The following LRP5 variants were observed in gnomAD, a reference collection of about 807,000 sequenced individuals.
LRP5 encodes the protein LDL receptor related protein 5.
In LRP5, 62 loss-of-function variants were observed where a neutral mutation model predicts 154.1. The observed-to-expected ratio is 0.40, with a 90% CI of 0.33 to 0.50. The LOEUF is 0.50. Among genes scored for constraint, LRP5 ranks in the 20% least tolerant of loss-of-function variants. LRP5 has a pLI of 0.55. For missense variants in LRP5, 1,915 were observed against 2,336.7 expected (o/e 0.82, Z 3.72); for synonymous variants, 966 against 1,011.5 (o/e 0.96, Z 0.85).
chr11:68,362,691 CAAAAAAA>C (rs773798166), intron 3 of LRP5, among the ~76,000 whole-genome samples: 1 of 84,256 alleles, frequency 1.2e-5, no homozygotes, highest in African/African-American at 4.4e-5. Context: ...ACCCCATCTC[CAAAAAAA>C]AAAAAAAAAG....
In LRP5 at chr11:68,430,997, G is replaced by A. The variant is rs867762013; in HGVS notation, c.3763+1297G>A. Among the ~76,000 whole-genome samples, 4 of 152,310 alleles carry A rather than the reference G, an allele frequency of 2.6e-5. 1 individual carries two copies. In the South Asian group the frequency reaches 8.3e-4, roughly 32 times the overall value. On this transcript the variant is annotated intron_variant, in intron 17 of 22. Coordinates refer to ENST00000294304, the MANE Select transcript of LRP5 (RefSeq NM_002335.4). ...GGGCACTCCACCTGGACCCTGACAC[G>A]TGATGCACAGGAATGCCAGCTGCTA...
rs559914978 is a variant in LRP5 at position 68,372,826 on chromosome 11, G to A, written c.1015+7124G>A. ...GGGGAGCACGGCTCACACGGCCAGC[G>A]GGTGACCTGGGGAGGACGGAGGGGG... On this transcript the variant is annotated intron_variant, in intron 5 of 22. Transcript: ENST00000294304. 1.2e-4 allele frequency among the ~76,000 whole-genome samples: 19 copies of A among 152,224 alleles called. No individual in the cohort carries two copies. In the East Asian group the frequency reaches 1.7e-3, roughly 14 times the overall value.
chr11:68,408,112 G>A (rs536282155), intron 9 of LRP5, among the ~76,000 whole-genome samples: 14 of 152,228 alleles, frequency 9.2e-5, no homozygotes, highest in African/African-American at 3.4e-4. Flanking sequence ...GTTTCCCTCT[G>A]TCACTCAGGC....
In LRP5 at chr11:68,423,068, A is replaced by G. The variant is rs1327315236; in HGVS notation, c.3028-421A>G. Among the ~76,000 whole-genome samples the G allele has an allele frequency of 6.6e-6, 1 of 152,184 alleles. No homozygotes were observed. The highest frequency in any genetic ancestry group is 1.5e-5 in the Non-Finnish European group (1 of 68,036). ...TGGAGGAGACAGGGATGTGTTGGGA[A>G]GGGCCCCATGGTCTTGGATCCCTTC... On this transcript the variant is annotated intron_variant, in intron 13 of 22. Coordinates refer to ENST00000294304, the MANE Select transcript of LRP5 (RefSeq NM_002335.4). The surrounding 1 kb of genome is among the most constrained non-coding windows in gnomAD (Gnocchi z 4.7).
intron 1 of LRP5, among the ~76,000 whole-genome samples, chr11:68,319,072 G>GTTTTTTT (rs59893808): frequency 4.3e-5 from 4 of 92,228 alleles, no homozygotes; most frequent in East Asian, 3.1e-4. Flanking sequence ...CTGGCTCCTT[G>GTTTTTTT]TTTTTTTTTT....
At chr11:68,393,155 C>G (rs962314281) in intron 7 of LRP5, among the ~76,000 whole-genome samples, 3 of 151,964 alleles carry the variant, frequency 2.0e-5, no homozygotes, top group Non-Finnish European at 2.9e-5. Context: ...AAAAAAGTTC[C>G]TTTCTTTTTG....
rs146792434 is a variant in LRP5, at chr11:68,416,518, C to T, written c.3018C>T (p.Asp1006=). ...AGAACATCAAGCGAGCCAAGGACGA[C>T]GGGACCCAGGCAGGTGCCCTGTGGG... ...GRQNIKRAKD[D]GTQPFVLTSL... The change falls in exon 13 of 23, where the codon GAC becomes GAT. Residue 1006 remains aspartate (D), a synonymous_variant. Coordinates refer to ENST00000294304, the MANE Select transcript of LRP5 (RefSeq NM_002335.4). 1.1e-4 allele frequency: 178 copies of T among 1,614,096 alleles called. 1 individual carries two copies. Among genetic ancestry groups the T allele is most frequent in the South Asian group, 2.1e-4 (19 of 91,082 alleles).
intron 21 of LRP5, among the ~76,000 whole-genome samples, chr11:68,443,194 A>G (rs2098679066): frequency 6.6e-6 from 1 of 151,944 alleles, no homozygotes; most frequent in African/African-American, 2.4e-5. Flanking sequence ...TGATGTAAGC[A>G]TCATTTTGTG....
chr11:68,306,451 T>C, the LRP5 span, among the ~76,000 whole-genome samples: 15 of 152,334 alleles, frequency 9.8e-5, no homozygotes, highest in African/African-American at 3.6e-4. Context: ...TTTTCTTTTC[T>C]AAGGACCATT....
At chr11:68,435,534 G>T (rs1041200250) in intron 18 of LRP5, among the ~76,000 whole-genome samples, 4 of 152,058 alleles carry the variant, frequency 2.6e-5, no homozygotes, top group Admixed American at 6.6e-5. Context: ...GAGAGGAGAT[G>T]CCAGGCTCCT....
At chr11:68,388,211 C>G (rs1336895159) in intron 6 of LRP5, among the ~76,000 whole-genome samples, 3 of 152,010 alleles carry the variant, frequency 2.0e-5, no homozygotes, top group African/African-American at 7.2e-5. Context: ...GTGGGGTCCC[C>G]AGGGGCTTTA....
rs1298048480 is a variant in LRP5, at chr11:68,423,037, G to A, written c.3028-452G>A. Among the ~76,000 whole-genome samples, 1 of 152,178 alleles carries A rather than the reference G, an allele frequency of 6.6e-6. No homozygotes were observed. Among genetic ancestry groups the A allele is most frequent in the East Asian group, 1.9e-4 (1 of 5,194 alleles). ...GCCGCAGTCCAAAAGCTTGAGTCCT[G>A]GAAGGTGGAGGAGACAGGGATGTGT... On this transcript the variant is annotated intron_variant, in intron 13 of 22. Transcript: ENST00000294304. The surrounding 1 kb of genome is among the most constrained non-coding windows in gnomAD (Gnocchi z 4.7).
At chr11:68,409,213 A>C (rs1045320827) in intron 9 of LRP5, among the ~76,000 whole-genome samples, 4 of 61,104 alleles carry the variant, frequency 6.5e-5, no homozygotes, top group African/African-American at 1.8e-4. Context: ...ATAAGTAAAT[A>C]TATAATATAT....
rs75776943 is a variant in LRP5 at position 68,424,894 on chromosome 11, C to G, written c.3237-208C>G. Reference sequence around the variant, plus strand: ...GATCCTTCATGACATTTGTAAAGACCCTGCTTCCAAATAAGCTCACATTCT... The same window carrying G: ...GATCCTTCATGACATTTGTAAAGACGCTGCTTCCAAATAAGCTCACATTCT... On this transcript the variant is annotated intron_variant, in intron 14 of 22. Transcript: ENST00000294304. 0.053 allele frequency among the ~76,000 whole-genome samples: 8,086 copies of G among 152,306 alleles called. 240 individuals are homozygous for G. The highest frequency in any genetic ancestry group is 0.13 in the Middle Eastern group (39 of 294).
intron 1 of LRP5, among the ~76,000 whole-genome samples, chr11:68,341,332 C>T (rs2098609010): frequency 6.6e-6 from 1 of 151,898 alleles, no homozygotes; most frequent in South Asian, 2.1e-4. Context: ...CTGCTTCAGC[C>T]CTCAGCCTGT....
At chr11:68,424,264 A>T (rs1181037178) in intron 14 of LRP5, among the ~76,000 whole-genome samples, 1 of 151,686 alleles carries the variant, frequency 6.6e-6, no homozygotes, top group Admixed American at 6.5e-5. Context: ...CCTTCCTCAG[A>T]TAGCTGGGGG....
intron 3 of LRP5, among the ~76,000 whole-genome samples, chr11:68,363,297 G>T (rs999269066): frequency 6.6e-6 from 1 of 152,174 alleles, no homozygotes; most frequent in East Asian, 1.9e-4. Flanking sequence ...CCCTGTGCAC[G>T]CCGGGAGAAA....
chr11:68,400,998 C>T (rs2098652320), intron 7 of LRP5, among the ~76,000 whole-genome samples: 1 of 152,216 alleles, frequency 6.6e-6, no homozygotes, highest in Admixed American at 6.5e-5. Context: ...TGTTTGTGTT[C>T]TGTGCCGATG....
chr11:68,442,352 G>A (rs996668067), intron 21 of LRP5, among the ~76,000 whole-genome samples: 3 of 152,194 alleles, frequency 2.0e-5, no homozygotes, highest in Non-Finnish European at 4.4e-5. Context: ...ACAGCTCACT[G>A]CAGCCTCAAA....
Sources: gnomAD v4.1 joint callset for allele counts (sites outside exome capture counted in the v4.1 genomes callset) on GRCh38, gnomAD v4.1.1 for gene constraint, Gnocchi (gnomAD v3.1) non-coding constraint, MANE v1.5 for transcripts, NCBI Gene and HGNC (gene_info 2026-07-23, HGNC 2026-07-21) for gene names.